Variants in MAP2K2 observed in about 807,000 individuals in gnomAD.
MAP2K2 encodes the protein dual specificity mitogen-activated protein kinase kinase 2.
In MAP2K2, 24 loss-of-function variants were observed where a neutral mutation model predicts 43.7. That is an observed-to-expected ratio of 0.55 (90% CI 0.40 to 0.77). MAP2K2 has a LOEUF of 0.77. Among genes scored for constraint, MAP2K2 ranks in the 30% least tolerant of loss-of-function variants. The pLI is 0.00. For synonymous variants in MAP2K2, 244 were observed against 239.7 expected (o/e 1.02, Z -0.17); for missense variants, 470 against 566.8 (o/e 0.83, Z 1.73).
At position 4,101,154 on chromosome 19, in the gene MAP2K2, C is replaced by T. The variant is rs758442973; in HGVS notation, c.581-11G>A. The T allele has an allele frequency of 6.2e-6, 10 of 1,606,310 alleles. No individual in the cohort carries two copies. Among genetic ancestry groups the T allele is most frequent in the Non-Finnish European group, 5.9e-6 (7 of 1,176,824 alleles). On this transcript the variant is annotated splice_polypyrimidine_tract_variant and intron_variant, in intron 5 of 10. Transcript: ENST00000262948. The surrounding 1 kb of genome is among the most constrained non-coding windows in gnomAD (Gnocchi z 6.3). ...TGGAGGGCTTCACATCTGGAGGCGG[C>T]AGGCTGCGGGTGAGGGGCGCCCAAC...
At chr19:4,106,256 T>C (rs540173024) in intron 3 of MAP2K2, among the ~76,000 whole-genome samples, 1 of 151,990 alleles carries the variant, frequency 6.6e-6, no homozygotes, top group South Asian at 2.1e-4. Flanking sequence ...AATAAGCAAA[T>C]AAATTAGCTG....
In MAP2K2 at chr19:4,107,712, C is replaced by A. The variant is rs570320819; in HGVS notation, c.450+2797G>T. Among the ~76,000 whole-genome samples the A allele has an allele frequency of 4.0e-5, 6 of 151,458 alleles. No individual in the cohort carries two copies. In the East Asian group the frequency reaches 9.7e-4, roughly 24 times the overall value. On this transcript the variant is annotated intron_variant, in intron 3 of 10. Transcript: ENST00000262948. ...ACAGAGAGAGACCTTGTACCCCCTA[C>A]CCCCCACAAAAAAAGAAGGAAAAAA...
intron 10 of MAP2K2, among the ~76,000 whole-genome samples, chr19:4,093,463 G>C (rs2040874300): frequency 6.6e-6 from 1 of 152,094 alleles, no homozygotes; most frequent in Non-Finnish European, 1.5e-5. Context: ...GGCTGAGGCA[G>C]GTGGATCACC....
intron 3 of MAP2K2, 120 bp downstream of exon 3, chr19:4,110,389 C>G (rs1350785540): frequency 1.6e-6 from 2 of 1,217,928 alleles, no homozygotes; most frequent in African/African-American, 3.0e-5. Flanking sequence ...TGAGAAGGAT[C>G]CCCTGGAAGC....
At chr19:4,092,533 G>T (rs1338013511) in intron 10 of MAP2K2, among the ~76,000 whole-genome samples, 4 of 152,148 alleles carry the variant, frequency 2.6e-5, no homozygotes, top group African/African-American at 9.7e-5. Flanking sequence ...AGTTTGCAGT[G>T]AGCCGAGATT....
intron 6 of MAP2K2, chr19:4,099,961 C>G (rs1247660214): frequency 5.8e-6 from 1 of 172,542 alleles, no homozygotes; most frequent in African/African-American, 2.4e-5. Context: ...TAAAAGTTAG[C>G]CAAGGCTGCC....
chr19:4,102,798 C>T (rs2041033352), intron 3 of MAP2K2: 5 of 1,243,608 alleles, frequency 4.0e-6, no homozygotes, highest in South Asian at 1.5e-5. Context: ...CTGTGGGGCC[C>T]GCACTCCCTG....
Position 4,096,321 on chromosome 19 carries a change from C to T in MAP2K2, c.985-872G>A, listed in dbSNP as rs78198326. On this transcript the variant is annotated intron_variant, in intron 8 of 10. Coordinates refer to ENST00000262948, the MANE Select transcript of MAP2K2 (RefSeq NM_030662.4). ...ACCTGGCTCCGTCATCATCTCGCCA[C>T]CCAACCCCAGGCCTAGCCCAGTCTG... Among the ~76,000 whole-genome samples, 921 of 152,320 alleles carry T rather than the reference C, an allele frequency of 6.0e-3. 7 individuals carry two copies. Among genetic ancestry groups the T allele is most frequent in the African/African-American group, 0.021 (868 of 41,558 alleles).
At chr19:4,097,089 G>A (rs2040928992) in intron 8 of MAP2K2, among the ~76,000 whole-genome samples, 190 bp downstream of exon 8, 1 of 150,618 alleles carries the variant, frequency 6.6e-6, no homozygotes, top group Non-Finnish European at 1.5e-5. Flanking sequence ...AGCTACTCGG[G>A]AGGCTGAGGC....
intron 2 of MAP2K2, among the ~76,000 whole-genome samples, chr19:4,113,695 T>C (rs1338704959): frequency 6.6e-6 from 1 of 152,100 alleles, no homozygotes; most frequent in African/African-American, 2.4e-5. Flanking sequence ...GTGTTAAAAC[T>C]AAATGCCAGA....
chr19:4,103,031 C>A, intron 3 of MAP2K2: 1 of 1,052,022 alleles, frequency 9.5e-7, no homozygotes, highest in Non-Finnish European at 1.1e-6. Context: ...CACTGCTGGG[C>A]GTCTGCCCTG....
rs1398352861 is a variant in MAP2K2 at position 4,101,664 on chromosome 19, G to A, written c.529-384C>T. Among the ~76,000 whole-genome samples the A allele has an allele frequency of 1.3e-5, 2 of 152,172 alleles. No individual in the cohort carries two copies. Among genetic ancestry groups the A allele is most frequent in the Non-Finnish European group, 2.9e-5 (2 of 68,016 alleles). ...TCTGGGGTCCCAGGGACTGTGCTAA[G>A]GGCCCCCAGATGGGACGGGCTAAGG... On this transcript the variant is annotated intron_variant, in intron 4 of 10. Transcript: ENST00000262948. This position sits in a 1 kb window ranked among gnomAD's most constrained non-coding sequence, Gnocchi z 6.3.
intron 3 of MAP2K2, among the ~76,000 whole-genome samples, chr19:4,108,965 G>T (rs1397900023): frequency 6.6e-6 from 1 of 152,230 alleles, no homozygotes; most frequent in Non-Finnish European, 1.5e-5. Flanking sequence ...GAGCAGCGGG[G>T]CAGACGCCAG....
rs764307545 is a variant in MAP2K2 at position 4,102,385 on chromosome 19, G to C, written c.519C>G (p.Val173=). The part of the protein sequence containing the change: ...KRIPEEILGK[V]SIAVLRGLAY... ...TCTGCGGTGGACTCACCGCGATGCT[G>C]ACTTTCCCCAGGATCTCCTCGGGAA... The change falls in exon 4 of 11, where the codon GTC becomes GTG. Residue 173 remains valine, a synonymous_variant. Transcript: ENST00000262948. 2 of 1,602,326 alleles carry C rather than the reference G, an allele frequency of 1.2e-6. No individual in the cohort carries two copies. Among genetic ancestry groups the C allele is most frequent in the Non-Finnish European group, 1.7e-6 (2 of 1,175,724 alleles).
chr19:4,101,152 G>A lies in MAP2K2; in HGVS notation c.581-9C>T, dbSNP rs539611844. The A allele has an allele frequency of 6.2e-6, 10 of 1,606,854 alleles. No individual in the cohort carries two copies. The highest frequency in any genetic ancestry group is 3.4e-5 in the Admixed American group (2 of 59,138). On this transcript the variant is annotated splice_polypyrimidine_tract_variant and intron_variant, in intron 5 of 10. Transcript: ENST00000262948. The surrounding 1 kb of genome is among the most constrained non-coding windows in gnomAD (Gnocchi z 6.3). ...GTTGGAGGGCTTCACATCTGGAGGC[G>A]GCAGGCTGCGGGTGAGGGGCGCCCA...
At chr19:4,114,096 T>TG (rs769202832) in intron 2 of MAP2K2, among the ~76,000 whole-genome samples, 28 of 152,190 alleles carry the variant, frequency 1.8e-4, no homozygotes, top group Non-Finnish European at 3.7e-4. Flanking sequence ...AGTTCAACAC[T>TG]GGGCAGCGTA....
chr19:4,095,856 C>T (rs2040910725), intron 8 of MAP2K2, among the ~76,000 whole-genome samples: 2 of 152,200 alleles, frequency 1.3e-5, no homozygotes, highest in Admixed American at 6.5e-5. Context: ...CTCACTGCAG[C>T]CTCCACCTCC....
intron 3 of MAP2K2, among the ~76,000 whole-genome samples, chr19:4,108,394 C>A (rs1306504394): frequency 6.6e-6 from 1 of 151,884 alleles, no homozygotes; most frequent in East Asian, 1.9e-4. Context: ...GCACCCGCCA[C>A]CATGCCTGGC....
In MAP2K2 at chr19:4,101,308, G is replaced by A. The variant is rs768209369; in HGVS notation, c.529-28C>T. 6.4e-7 allele frequency: 1 copy of A among 1,565,516 alleles called. No individual in the cohort carries two copies. Among genetic ancestry groups the A allele is most frequent in the Admixed American group, 1.9e-5 (1 of 52,268 alleles). Reference sequence around the variant, plus strand: ...GCAGGGGAGCGCGGAGGGAGTCACGGGACAAGGCCACCAGGGCTTAGCTCC... The same window carrying A: ...GCAGGGGAGCGCGGAGGGAGTCACGAGACAAGGCCACCAGGGCTTAGCTCC... On this transcript the variant is annotated intron_variant, in intron 4 of 10. Transcript: ENST00000262948. This position sits in a 1 kb window ranked among gnomAD's most constrained non-coding sequence, Gnocchi z 6.3.
Sources: allele counts gnomAD v4.1 joint callset (sites outside exome capture counted in the v4.1 genomes callset), GRCh38; gene constraint gnomAD v4.1.1; non-coding constraint Gnocchi (gnomAD v3.1); transcripts MANE v1.5; gene names NCBI Gene and HGNC (gene_info 2026-07-23, HGNC 2026-07-21).